Variants in VCP observed in about 807,000 individuals in gnomAD.
VCP encodes transitional endoplasmic reticulum ATPase.
In VCP, 6 loss-of-function variants were observed where a neutral mutation model predicts 85.7. The observed-to-expected ratio is 0.07, with a 90% CI of 0.04 to 0.14. VCP has a LOEUF of 0.14. Among genes scored for constraint, VCP ranks in the 10% least tolerant of loss-of-function variants. VCP has a pLI of 1.00. For missense variants in VCP, 353 were observed against 1,043.4 expected (o/e 0.34, Z 9.12); for synonymous variants, 384 against 367.1 (o/e 1.05, Z -0.53).
intron 7 of VCP, 118 bp from the exon 8 acceptor site, chr9:35,062,468 C>T: frequency 6.7e-7 from 1 of 1,483,536 alleles, no homozygotes; most frequent in Non-Finnish European, 9.2e-7. Context: ...AGGTGGTAAC[C>T]TCTGCCTACT....
Position 35,059,897 on chromosome 9 carries a change from C to G in VCP, c.1696-96G>C. 1.3e-6 allele frequency: 2 copies of G among 1,513,472 alleles called. No individual in the cohort carries two copies. Among genetic ancestry groups the G allele is most frequent in the Non-Finnish European group, 9.1e-7 (1 of 1,096,266 alleles). The allele number at this position is 1,513,472 out of a possible 1,614,324, so 93.8% of individuals were successfully genotyped here. A position where few individuals can be genotyped will look rare whatever the true frequency, so the allele number is the denominator to read the frequency against. On this transcript the variant is annotated intron_variant, in intron 13 of 16. Coordinates refer to ENST00000358901, the MANE Select transcript of VCP (RefSeq NM_007126.5). The surrounding 1 kb of genome is among the most constrained non-coding windows in gnomAD (Gnocchi z 4.9). ...CCTGTATTCCCAGCACTTTGGGAGG[C>G]CAAGGTGGGAGGATCACTTGAGGCC...
rs1432120993 is a variant in VCP, at chr9:35,056,261, T to C, written c.*856A>G. 1 of 152,178 alleles carries C rather than the reference T, an allele frequency of 6.6e-6. No homozygotes were observed. Among genetic ancestry groups the C allele is most frequent in the Non-Finnish European group, 1.5e-5 (1 of 68,036 alleles). The allele number at this position is 152,178 out of a possible 1,614,324, so 9.4% of individuals were successfully genotyped here. On this transcript the variant is annotated 3_prime_UTR_variant, in exon 17 of 17. Coordinates refer to ENST00000358901, the MANE Select transcript of VCP (RefSeq NM_007126.5). ...TTTCAAATGGCACCCCAACACAGTCTTTGGTCAGGATAAGGGATCCTGCAG... is the reference window on the plus strand; with the variant it reads ...TTTCAAATGGCACCCCAACACAGTCCTTGGTCAGGATAAGGGATCCTGCAG...
In VCP at chr9:35,063,060, A is replaced by C. The variant is rs1309864859; in HGVS notation, c.729T>G (p.Leu243=). The C allele has an allele frequency of 1.9e-6, 3 of 1,614,100 alleles. No individual in the cohort carries two copies. The highest frequency in any genetic ancestry group is 3.3e-5 in the Admixed American group (2 of 60,010). Residue 243 remains leucine (L), a synonymous_variant, in exon 7 of 17, where the codon CTT becomes CTG. Transcript: ENST00000358901. ...TCTTTCCTGTTCCAGGAGGTCCGTA[A>C]AGCAGGATTCCTCTAGGAGGCTGTG... ...IGVKPPRGIL[L]YGPPGTGKTL...
intron 4 of VCP, among the ~76,000 whole-genome samples, chr9:35,066,206 G>A (rs991086357): frequency 6.6e-6 from 1 of 151,618 alleles, no homozygotes; most frequent in Non-Finnish European, 1.5e-5. Flanking sequence ...CATGGCAGAT[G>A]GATCACTTGA....
rs200911363 is a variant in VCP, at chr9:35,065,315, C to A, written c.512G>T (p.Ser171Ile). The change falls in exon 5 of 17, where the codon AGC becomes ATC. Residue 171 changes from serine to isoleucine, a missense_variant. Ser to Ile is a moderately radical substitution (Grantham distance 142, BLOSUM62 -2). Transcript: ENST00000358901. ...VEFKVVETDPSPYCIVAPDTV... is the reference protein window; with the variant it reads ...VEFKVVETDPIPYCIVAPDTV... ...GTCTGGAGCAACAATGCAATAAGGGCTAGGATCTGTTTCCACCACTTTGAA... is the reference window on the plus strand; with the variant it reads ...GTCTGGAGCAACAATGCAATAAGGGATAGGATCTGTTTCCACCACTTTGAA... 31 of 1,614,086 alleles carry A rather than the reference C, an allele frequency of 1.9e-5. No homozygotes were observed. The highest frequency in any genetic ancestry group is 2.7e-5 in the African/African-American group (2 of 74,936).
intron 15 of VCP, chr9:35,057,921 C>T (rs1828643014): frequency 3.0e-6 from 1 of 328,908 alleles, no homozygotes; most frequent in Non-Finnish European, 5.9e-6. Flanking sequence ...TATATCATAC[C>T]TTAATAAACC....
chr9:35,072,048 T>G, intron 1 of VCP: 4 of 1,238,408 alleles, frequency 3.2e-6, no homozygotes, highest in Non-Finnish European at 2.0e-6. Flanking sequence ...CAGACGTCCG[T>G]TCTAAGGGAG....
intron 1 of VCP, among the ~76,000 whole-genome samples, chr9:35,070,067 A>G (rs902367952): frequency 3.3e-5 from 5 of 152,208 alleles, no homozygotes; most frequent in Admixed American, 1.3e-4. Flanking sequence ...GATACACCCA[A>G]GAGAAAAACA....
Position 35,064,195 on chromosome 9 carries a change from G to A in VCP, c.667C>T (p.Pro223Ser). ...TTAAAGAGGGCAGGATGTCTCAGGG[G>A]CAGTTCCACCATCTCCTTTATCTGA... ...LAQIKEMVEL[P>S]LRHPALFKAI... The change falls in exon 6 of 17, where the codon CCC becomes TCC. Residue 223 changes from proline to serine, a missense_variant. This residue lies in a region of VCP where 85 missense variants were observed against 345.2 expected (regional missense o/e 0.25). Transcript: ENST00000358901. The A allele has an allele frequency of 6.2e-7, 1 of 1,614,174 alleles. No homozygotes were observed. Among genetic ancestry groups the A allele is most frequent in the Non-Finnish European group, 8.5e-7 (1 of 1,180,034 alleles).
chr9:35,071,123 G>A (rs905132486), intron 1 of VCP, among the ~76,000 whole-genome samples: 3 of 152,126 alleles, frequency 2.0e-5, no homozygotes, highest in Non-Finnish European at 4.4e-5. Flanking sequence ...ATAAGAGGCT[G>A]ACTGCATATA....
In VCP at chr9:35,065,809, A is replaced by C. The variant is rs1347385175; in HGVS notation, c.446-428T>G. Among the ~76,000 whole-genome samples the C allele has an allele frequency of 3.3e-5, 5 of 152,278 alleles. No homozygotes were observed. The East Asian group carries it at 9.7e-4, about 29-fold the overall frequency. ...GATGGAGCAAAGGAAGGATGGAGGA[A>C]AAAAAGAGGGTAAGACATATGAATA... On this transcript the variant is annotated intron_variant, in intron 4 of 16. Transcript: ENST00000358901.
chr9:35,072,187 A>G (rs951431305), intron 1 of VCP, 150 bp downstream of exon 1: 1 of 1,420,922 alleles, frequency 7.0e-7, no homozygotes, highest in Non-Finnish European at 9.3e-7. Context: ...TGCCGGGTCC[A>G]CGGCCCCTCA....
chr9:35,071,649 T>C (rs760317486), intron 1 of VCP: 172 of 943,848 alleles, frequency 1.8e-4, no homozygotes, highest in Non-Finnish European at 1.9e-4. Context: ...GCTCAAACTT[T>C]CTAGTATGAA....
chr9:35,068,386 T>C (rs746078275), intron 1 of VCP, 24 bp from the exon 2 acceptor site: 12 of 1,596,984 alleles, frequency 7.5e-6, no homozygotes, highest in Admixed American at 1.7e-5. Flanking sequence ...ATGGAGTCAG[T>C]AGATACTCCT....
At position 35,068,252 on chromosome 9, in the gene VCP, T is replaced by G; in HGVS notation, c.128A>C (p.Gln43Pro). The G allele has an allele frequency of 1.9e-6, 3 of 1,614,022 alleles. No individual in the cohort carries two copies. Among genetic ancestry groups the G allele is most frequent in the Non-Finnish European group, 2.5e-6 (3 of 1,179,880 alleles). Residue 43 changes from glutamine to proline, a missense_variant and splice_region_variant, in exon 2 of 17, where the codon CAG becomes CCG. Gln to Pro is a moderately conservative substitution (Grantham distance 76). Transcript: ENST00000358901. The stretch of plus-strand genomic sequence containing the variant: ...GACTAGTCTGTGGCCACAGCTTACC[T>G]GGGACAAGGACACCACACTGTTGTC... ...NEDNSVVSLS[Q>P]PKMDELQLFR... is the part of the protein sequence containing the mutation.
At chr9:35,057,602 A>G in intron 15 of VCP, 72 bp from the exon 16 acceptor site, 1 of 1,589,890 alleles carries the variant, frequency 6.3e-7, no homozygotes, top group Non-Finnish European at 8.5e-7. Flanking sequence ...GCCTCCCATT[A>G]CTGCAGTTTA....
At chr9:35,069,529 T>G (rs1828899537) in intron 1 of VCP, among the ~76,000 whole-genome samples, 1 of 146,242 alleles carries the variant, frequency 6.8e-6, no homozygotes, top group Non-Finnish European at 1.5e-5. Context: ...CTCAGCTAAC[T>G]GCAACCTCCA....
At chr9:35,057,602 A>T in intron 15 of VCP, 72 bp from the exon 16 acceptor site, 1 of 1,589,890 alleles carries the variant, frequency 6.3e-7, no homozygotes. Flanking sequence ...GCCTCCCATT[A>T]CTGCAGTTTA....
rs1365171638 is a variant in VCP at position 35,056,254 on chromosome 9, C to T, written c.*863G>A. On this transcript the variant is annotated 3_prime_UTR_variant, in exon 17 of 17. Coordinates refer to ENST00000358901, the MANE Select transcript of VCP (RefSeq NM_007126.5). ...CTGCGATTTTCAAATGGCACCCCAA[C>T]ACAGTCTTTGGTCAGGATAAGGGAT... 1 of 152,176 alleles carries T rather than the reference C, an allele frequency of 6.6e-6. No individual in the cohort carries two copies. The highest frequency in any genetic ancestry group is 1.5e-5 in the Non-Finnish European group (1 of 68,032). The allele number at this position is 152,176 out of a possible 1,614,324, so 9.4% of individuals were successfully genotyped here.
Sources: gnomAD v4.1 joint callset for allele counts (sites outside exome capture counted in the v4.1 genomes callset) on GRCh38, gnomAD v4.1.1 for gene constraint, gnomAD v4.1.1 regional missense constraint, Gnocchi (gnomAD v3.1) non-coding constraint, MANE v1.5 for transcripts, NCBI Gene and HGNC (gene_info 2026-07-23, HGNC 2026-07-21) for gene names.